BMP5: variants seen among roughly 807,000 people sequenced by gnomAD.
BMP5 encodes bone morphogenetic protein 5.
In BMP5, 23 loss-of-function variants were observed where a neutral mutation model predicts 46.6. That is an observed-to-expected ratio of 0.49 (90% CI 0.35 to 0.70). The LOEUF (loss-of-function observed/expected upper bound fraction) is 0.70, where lower values mean the gene tolerates loss of function less well. Ranked by LOEUF, BMP5 falls within the 30% of genes least tolerant of loss-of-function variation. The probability of loss-of-function intolerance (pLI) is 0.00; values close to 1 mark genes in which losing one functional copy is unlikely to be tolerated. For missense variants in BMP5, 545 were observed against 565.6 expected, an observed-to-expected ratio of 0.96 and a Z score of 0.37; for synonymous variants, 204 against 191.9, an observed-to-expected ratio of 1.06 and a Z score of -0.52.
At chr6:55,784,177 C>G (rs923790289) in intron 3 of BMP5, among the ~76,000 whole-genome samples, 1 of 151,736 alleles carries the variant, frequency 6.6e-6, no homozygotes, top group African/African-American at 2.4e-5. Flanking sequence ...CTGCAATTCT[C>G]CCCTTACATA....
intron 1 of BMP5, among the ~76,000 whole-genome samples, chr6:55,850,065 T>C (rs1026082727): frequency 6.6e-6 from 1 of 152,096 alleles, no homozygotes; most frequent in African/African-American, 2.4e-5. Context: ...GAACAGCACT[T>C]CATGTTTATC....
chr6:55,852,479 A>G (rs575320243), intron 1 of BMP5, among the ~76,000 whole-genome samples: 8 of 152,246 alleles, frequency 5.3e-5, no homozygotes, highest in Non-Finnish European at 8.8e-5. Context: ...AAGAATTCCA[A>G]TTAAACTTTT....
chr6:55,767,256 T>C (rs1202136265), intron 4 of BMP5, among the ~76,000 whole-genome samples: 3 of 152,010 alleles, frequency 2.0e-5, no homozygotes, highest in Admixed American at 2.0e-4. Flanking sequence ...TATGAGTACT[T>C]ATAAGAGAGA....
At chr6:55,813,159 T>G (rs1235873867) in intron 2 of BMP5, among the ~76,000 whole-genome samples, 1 of 152,156 alleles carries the variant, frequency 6.6e-6, no homozygotes. Flanking sequence ...GTTTTGATTT[T>G]TTACTCTCTA....
chr6:55,769,808 T>C (rs892356929), intron 4 of BMP5, among the ~76,000 whole-genome samples: 2 of 151,878 alleles, frequency 1.3e-5, no homozygotes, highest in African/African-American at 4.8e-5. Flanking sequence ...GCAAGCATGA[T>C]AAAAACAATT....
In BMP5 at chr6:55,755,394, C is replaced by T. The variant is rs766191555; in HGVS notation, c.*139G>A. 7 of 747,836 alleles carry T rather than the reference C, an allele frequency of 9.4e-6. No homozygotes were observed. Among genetic ancestry groups the T allele is most frequent in the South Asian group, 3.7e-5 (2 of 54,680 alleles). The allele number at this position is 747,836 out of a possible 1,614,324, so 46.3% of individuals were successfully genotyped here. On this transcript the variant is annotated 3_prime_UTR_variant, in exon 7 of 7. Transcript: ENST00000370830. ...TTAAATAAATAAAAATGACTATATA[C>T]ATGATATTGTACATAGGAAAAGAGT... is the stretch of plus-strand genomic sequence containing the variant.
At chr6:55,773,877 A>G (rs868016353) in intron 4 of BMP5, among the ~76,000 whole-genome samples, 172 bp downstream of exon 4, 3 of 151,934 alleles carry the variant, frequency 2.0e-5, no homozygotes, top group Non-Finnish European at 2.9e-5. Context: ...TTTTAAAATG[A>G]ATTACTGAGT....
At chr6:55,833,442 C>A (rs1776711653) in intron 1 of BMP5, among the ~76,000 whole-genome samples, 1 of 152,156 alleles carries the variant, frequency 6.6e-6, no homozygotes, top group Admixed American at 6.6e-5. Context: ...TTATCTCAAA[C>A]CTAAGTTGTG....
At chr6:55,794,511 A>G in intron 2 of BMP5, 84 bp from the exon 3 acceptor site, 1 of 1,368,766 alleles carries the variant, frequency 7.3e-7, no homozygotes, top group Non-Finnish European at 1.0e-6. Context: ...ACATTACAAA[A>G]GCAGTTTGTA....
At chr6:55,776,945 T>C (rs1051063691) in intron 3 of BMP5, among the ~76,000 whole-genome samples, 1 of 152,004 alleles carries the variant, frequency 6.6e-6, no homozygotes, top group Non-Finnish European at 1.5e-5. Context: ...TACGGGTTTC[T>C]TGGGTTTTAC....
At chr6:55,772,090 C>A (rs1775059591) in intron 4 of BMP5, among the ~76,000 whole-genome samples, 1 of 151,854 alleles carries the variant, frequency 6.6e-6, no homozygotes, top group South Asian at 2.1e-4. Flanking sequence ...AAAATATGAA[C>A]ACACTCCAAA....
chr6:55,833,492 C>T (rs528533438), intron 1 of BMP5, among the ~76,000 whole-genome samples: 12 of 152,192 alleles, frequency 7.9e-5, no homozygotes, highest in African/African-American at 2.6e-4. Flanking sequence ...TATTCTTTTT[C>T]GGCTTTTGAA....
chr6:55,802,811 T>C (rs991621771), intron 2 of BMP5, among the ~76,000 whole-genome samples: 2 of 151,088 alleles, frequency 1.3e-5, no homozygotes, highest in African/African-American at 4.9e-5. Context: ...ATTCTTTTTT[T>C]CCCCTTTTCT....
intron 1 of BMP5, among the ~76,000 whole-genome samples, chr6:55,846,358 A>C (rs1013745152): frequency 2.0e-5 from 3 of 152,022 alleles, no homozygotes; most frequent in Admixed American, 6.6e-5. Context: ...ATTTGGTGTT[A>C]TTGAAGACAC....
At chr6:55,838,474 A>AT (rs1289911552) in intron 1 of BMP5, among the ~76,000 whole-genome samples, 1 of 151,826 alleles carries the variant, frequency 6.6e-6, no homozygotes, top group Admixed American at 6.6e-5. Context: ...TCCTTTGCCT[A>AT]TTTTTTTATT....
In BMP5 at chr6:55,774,166, A is replaced by G. The variant is rs1385372303; in HGVS notation, c.910T>C (p.Phe304Leu). The change falls in exon 4 of 7, where the codon TTC becomes CTC. Residue 304 changes from phenylalanine to leucine, a missense_variant. Coordinates refer to ENST00000370830, the MANE Select transcript of BMP5 (RefSeq NM_021073.4). ...AGAAGTACCTCACTCGCCTTGAAGA[A>G]GGCCACCATGAATGGTTGTTTTGAC... ...PQSKQPFMVA[F>L]FKASEVLLRS... The G allele has an allele frequency of 6.2e-7, 1 of 1,613,160 alleles. No individual in the cohort carries two copies. Among genetic ancestry groups the G allele is most frequent in the South Asian group, 1.1e-5 (1 of 91,076 alleles).
chr6:55,758,820 T>C (rs563940864), intron 6 of BMP5, among the ~76,000 whole-genome samples, 185 bp downstream of exon 6: 1 of 151,990 alleles, frequency 6.6e-6, no homozygotes, highest in Non-Finnish European at 1.5e-5. Flanking sequence ...TAACTGGGAT[T>C]ACTCTAAACC....
intron 1 of BMP5, among the ~76,000 whole-genome samples, chr6:55,849,163 C>A (rs1173857497): frequency 2.4e-4 from 37 of 151,968 alleles, no homozygotes; most frequent in Non-Finnish European, 1.5e-5. Context: ...GTGTTTCAGG[C>A]ACACTGCTGT....
intron 1 of BMP5, among the ~76,000 whole-genome samples, chr6:55,863,379 C>T (rs1242280859): frequency 2.0e-5 from 3 of 152,174 alleles, no homozygotes; most frequent in African/African-American, 7.2e-5. Flanking sequence ...CAGAGCATGG[C>T]TCCAGTAATG....
Sources: gnomAD v4.1 joint callset for allele counts (sites outside exome capture counted in the v4.1 genomes callset) on GRCh38, gnomAD v4.1.1 for gene constraint, MANE v1.5 for transcripts, NCBI Gene and HGNC (gene_info 2026-07-23, HGNC 2026-07-21) for gene names.